Variants in PRDM11 observed in about 807,000 individuals in gnomAD.
PRDM11 encodes PR domain-containing protein 11.
A neutral mutation model predicts 97.8 loss-of-function variants in PRDM11; 20 were observed. The observed-to-expected ratio is 0.20, with a 90% CI of 0.14 to 0.30. The LOEUF (loss-of-function observed/expected upper bound fraction) is 0.30. Among genes scored for constraint, PRDM11 ranks in the 10% least tolerant of loss-of-function variants. The pLI is 1.00. For synonymous variants in PRDM11, 599 were observed against 637.7 expected, an observed-to-expected ratio of 0.94 and a Z score of 0.91; for missense variants, 1,139 against 1,555.2, an observed-to-expected ratio of 0.73 and a Z score of 4.50.
At chr11:45,222,455 G>A (rs1427019499) in intron 6 of PRDM11, among the ~76,000 whole-genome samples, 1 of 152,148 alleles carries the variant, frequency 6.6e-6, no homozygotes. Flanking sequence ...GATTTTCAAT[G>A]GGCAAGTGCT....
intron 1 of PRDM11, among the ~76,000 whole-genome samples, chr11:45,099,350 C>T (rs1335979841): frequency 6.6e-6 from 1 of 150,778 alleles, no homozygotes; most frequent in Non-Finnish European, 1.5e-5. Flanking sequence ...ACTCCAGAGG[C>T]TGAGGCAGGA....
At chr11:45,208,189 A>G (rs1363987522) in intron 5 of PRDM11, among the ~76,000 whole-genome samples, 8 of 151,990 alleles carry the variant, frequency 5.3e-5, no homozygotes, top group Non-Finnish European at 1.2e-4. Context: ...CGAAGAAAGC[A>G]CTCCCATGGG....
intron 1 of PRDM11, among the ~76,000 whole-genome samples, chr11:45,176,176 C>G (rs1250124986): frequency 6.6e-6 from 1 of 152,020 alleles, no homozygotes; most frequent in Non-Finnish European, 1.5e-5. Context: ...GAGTTCGAGA[C>G]CAGTGTGGCC....
intron 1 of PRDM11, among the ~76,000 whole-genome samples, chr11:45,176,024 G>A (rs185035117): frequency 2.6e-4 from 39 of 151,950 alleles, no homozygotes; most frequent in Non-Finnish European, 5.0e-4. Flanking sequence ...CATCTTCAGA[G>A]CATATATTTA....
At position 45,121,659 on chromosome 11, in the gene PRDM11, T is replaced by C. The variant is rs1852433471; in HGVS notation, c.96+25758T>C. ...AGAATGAATATTATTTTGAAGTGCTTGTGGAACATTTACCACAATAGACTA... is the reference window on the plus strand; with the variant it reads ...AGAATGAATATTATTTTGAAGTGCTCGTGGAACATTTACCACAATAGACTA... On this transcript the variant is annotated intron_variant, in intron 1 of 6. Coordinates refer to the PRDM11 transcript ENST00000530656. 2.0e-5 allele frequency among the ~76,000 whole-genome samples: 3 copies of C among 152,286 alleles called. No homozygotes were observed. In the South Asian group the frequency reaches 6.2e-4, roughly 32 times the overall value.
intron 7 of PRDM11, among the ~76,000 whole-genome samples, chr11:45,225,376 G>A (rs1345565484): frequency 6.6e-6 from 1 of 152,176 alleles, no homozygotes; most frequent in Non-Finnish European, 1.5e-5. Context: ...GCCCTATTCT[G>A]TTGGCTACCT....
At chr11:45,207,947 A>G (rs1853575093) in intron 5 of PRDM11, among the ~76,000 whole-genome samples, 1 of 152,106 alleles carries the variant, frequency 6.6e-6, no homozygotes, top group East Asian at 1.9e-4. Flanking sequence ...TTCACCTTTT[A>G]TCACTAGTTA....
intron 1 of PRDM11, among the ~76,000 whole-genome samples, chr11:45,127,069 C>T (rs969948433): frequency 2.0e-5 from 3 of 152,304 alleles, no homozygotes; most frequent in South Asian, 2.1e-4. Context: ...CTTCCCTTCT[C>T]GCTTCATTTC....
At chr11:45,202,934 T>A (rs1853380873) in intron 4 of PRDM11, among the ~76,000 whole-genome samples, 1 of 151,940 alleles carries the variant, frequency 6.6e-6, no homozygotes, top group Non-Finnish European at 1.5e-5. Context: ...TGCAGAAAAG[T>A]GAAAAGGAAG....
chr11:45,131,661 C>G (rs963774057), intron 1 of PRDM11, among the ~76,000 whole-genome samples: 1 of 152,294 alleles, frequency 6.6e-6, no homozygotes, highest in Admixed American at 6.5e-5. Context: ...AATCCTATTA[C>G]AGGAGTAAGT....
At chr11:45,187,093 C>A (rs190732232) in intron 4 of PRDM11, among the ~76,000 whole-genome samples, 1 of 152,294 alleles carries the variant, frequency 6.6e-6, no homozygotes, top group East Asian at 1.9e-4. Flanking sequence ...CTTATGGAGC[C>A]TGTGGTTCAG....
intron 1 of PRDM11, among the ~76,000 whole-genome samples, chr11:45,135,027 A>T (rs7937556): frequency 0.47 from 71,989 of 151,678 alleles, 18,621 homozygotes; most frequent in Non-Finnish European, 0.58. Context: ...ACAGTTGTAG[A>T]CCCAGCTACT....
In PRDM11 at chr11:45,224,700, CT is replaced by C; in HGVS notation, c.1231del (p.Cys411AlafsTer7). ...ASDPHELPTT[S>X]FCPNCIRLKK... ...GACCCTCATGAACTTCCCACCACCT[CT>C]TTTTGCCCTAACTGTATTCGCCTAA... On this transcript the variant is annotated frameshift_variant, in exon 7 of 8. Coordinates refer to ENST00000683152, the MANE Select transcript of PRDM11 (RefSeq NM_001384648.1). LOFTEE classifies it high-confidence loss of function. 6.2e-7 allele frequency: 1 copy of C among 1,614,182 alleles called. No individual in the cohort carries two copies. The highest frequency in any genetic ancestry group is 2.2e-5 in the East Asian group (1 of 44,872).
In PRDM11 at chr11:45,234,218, T is replaced by C. The variant is rs573624898; in HGVS notation, c.*6059T>C. On this transcript the variant is annotated 3_prime_UTR_variant, in exon 8 of 8. Coordinates refer to ENST00000683152, the MANE Select transcript of PRDM11 (RefSeq NM_001384648.1). ...TCGCAGTTTCCTCTCTCTGTTTTTT[T>C]CCTCCTGGAGGTAGGAGAGAGGGCC... 9.2e-5 allele frequency: 14 copies of C among 152,410 alleles called. No homozygotes were observed. The highest frequency in any genetic ancestry group is 8.5e-4 in the Admixed American group (13 of 15,298). 9.4% of individuals were successfully genotyped at this position (152,410 alleles called of 1,614,324 possible). A position where few individuals can be genotyped will look rare whatever the true frequency, so the allele number is the denominator to read the frequency against.
In PRDM11 at chr11:45,219,618, C is replaced by G; in HGVS notation, c.603C>G (p.Phe201Leu). 5 of 1,614,122 alleles carry G rather than the reference C, an allele frequency of 3.1e-6. No homozygotes were observed. The highest frequency in any genetic ancestry group is 4.2e-6 in the Non-Finnish European group (5 of 1,180,010). ...AGAGGGAGCAGAACCTGCTGGCGTT[C>G]CAGCACAGTGAGCGCATCTACTTCC... ...REEREQNLLAFQHSERIYFRA... is the reference protein window; with the variant it reads ...REEREQNLLALQHSERIYFRA... Residue 201 changes from phenylalanine to leucine, a missense_variant, in exon 6 of 8, where the codon TTC becomes TTG. Coordinates refer to ENST00000683152, the MANE Select transcript of PRDM11 (RefSeq NM_001384648.1). The surrounding 1 kb of genome is among the most constrained non-coding windows in gnomAD (Gnocchi z 4.2).
At chr11:45,113,829 GTTTTT>G (rs112384308) in intron 1 of PRDM11, among the ~76,000 whole-genome samples, 2 of 124,142 alleles carry the variant, frequency 1.6e-5, no homozygotes, top group African/African-American at 6.4e-5. Flanking sequence ...TGTGTGTTTT[GTTTTT>G]TTTTTTTTTT....
chr11:45,110,871 G>C (rs545998809), intron 1 of PRDM11, among the ~76,000 whole-genome samples: 2 of 152,288 alleles, frequency 1.3e-5, no homozygotes, highest in South Asian at 4.1e-4. Flanking sequence ...CTCCTGGGTG[G>C]CAGAAAACTT....
In PRDM11 at chr11:45,101,567, A is replaced by AAG. The variant is rs1554963215; in HGVS notation, c.96+5667_96+5668insGA. 6.5e-4 allele frequency among the ~76,000 whole-genome samples: 63 copies of AAG among 96,864 alleles called. 2 individuals carry two copies. Among genetic ancestry groups the AAG allele is most frequent in the East Asian group, 2.6e-3 (12 of 4,610 alleles). 63.5% of individuals were successfully genotyped at this position (96,864 alleles called of 152,430 possible). A position where few individuals can be genotyped will look rare whatever the true frequency, so the allele number is the denominator to read the frequency against. ...CAACACTCTGTCTCAAAAAAAAAAAAAAGAAGAAGAAGAAGAAGAAGAAGA... is the reference window on the plus strand; with the variant it reads ...CAACACTCTGTCTCAAAAAAAAAAAAAGAAGAAGAAGAAGAAGAAGAAGAAGA... On this transcript the variant is annotated intron_variant, in intron 1 of 6. Coordinates refer to the PRDM11 transcript ENST00000530656.
intron 1 of PRDM11, among the ~76,000 whole-genome samples, chr11:45,134,265 A>C (rs1202366234): frequency 6.6e-6 from 1 of 152,230 alleles, no homozygotes; most frequent in East Asian, 1.9e-4. Context: ...GAGATATAGA[A>C]GAAAACTTTA....
Sources: gnomAD v4.1 joint callset for allele counts (sites outside exome capture counted in the v4.1 genomes callset) on GRCh38, gnomAD v4.1.1 for gene constraint, Gnocchi (gnomAD v3.1) non-coding constraint, MANE v1.5 for transcripts, NCBI Gene and HGNC (gene_info 2026-07-23, HGNC 2026-07-21) for gene names.